SPIDR: variants seen among roughly 807,000 people sequenced by gnomAD.
The protein encoded by SPIDR is scaffold protein involved in DNA repair.
SPIDR carries 93 observed loss-of-function variants against 104.6 expected under a neutral mutation model. The ratio of observed to expected loss-of-function variants is 0.89; its 90% CI spans 0.75 to 1.06. SPIDR has a LOEUF of 1.06. SPIDR is among the 50% of genes least tolerant of loss of function. The pLI, the probability that SPIDR is intolerant of heterozygous loss-of-function variation, is 0.00. For synonymous variants in SPIDR, 431 were observed against 416.9 expected (o/e 1.03, Z -0.41); for missense variants, 1,154 against 1,111.2 (o/e 1.04, Z -0.55).
chr8:47,319,067 A>G (rs1281429878), intron 5 of SPIDR, among the ~76,000 whole-genome samples: 1 of 152,012 alleles, frequency 6.6e-6, no homozygotes, highest in Non-Finnish European at 1.5e-5. Flanking sequence ...TAACATCATA[A>G]TGACAGGATC....
intron 8 of SPIDR, among the ~76,000 whole-genome samples, chr8:47,568,179 G>A (rs182799749): frequency 4.6e-5 from 7 of 152,060 alleles, no homozygotes; most frequent in East Asian, 3.9e-4. Context: ...TGGTAGTTAC[G>A]AGCATGAATC....
Position 47,716,469 on chromosome 8 carries a change from A to G in SPIDR, c.2341+2828A>G, listed in dbSNP as rs577717181. On this transcript the variant is annotated intron_variant, in intron 16 of 19. Transcript: ENST00000297423. ...ATCTCCTTTTGGGGTTAATGCTAAC[A>G]CATTACTGCAGTTATGGGGTGATGG... is the stretch of plus-strand genomic sequence containing the variant. Among the ~76,000 whole-genome samples the G allele has an allele frequency of 2.9e-3, 436 of 152,248 alleles. 3 individuals carry two copies. The highest frequency in any genetic ancestry group is 0.01 in the African/African-American group (427 of 41,536).
intron 14 of SPIDR, among the ~76,000 whole-genome samples, chr8:47,711,669 C>T (rs2081911491): frequency 1.3e-5 from 2 of 152,088 alleles, no homozygotes; most frequent in Admixed American, 6.6e-5. Flanking sequence ...ACTATATCTA[C>T]TTCTATATTT....
intron 5 of SPIDR, chr8:47,330,824 A>G: frequency 2.2e-6 from 1 of 456,176 alleles, no homozygotes; most frequent in Non-Finnish European, 4.4e-6. Context: ...TACATTTGGA[A>G]GTTTCCGTGT....
At chr8:47,626,824 G>C (rs1225212771) in intron 10 of SPIDR, among the ~76,000 whole-genome samples, 1 of 152,188 alleles carries the variant, frequency 6.6e-6, no homozygotes, top group Non-Finnish European at 1.5e-5. Context: ...GTGGAAGTCA[G>C]TGTGGCGATT....
intron 2 of SPIDR, among the ~76,000 whole-genome samples, chr8:47,283,123 T>A (rs587679558): frequency 2.0e-5 from 3 of 152,372 alleles, no homozygotes; most frequent in Admixed American, 6.5e-5. Flanking sequence ...CCCAGAGTTC[T>A]GGGATTACAG....
chr8:47,723,313 G>C (rs2083688160), intron 16 of SPIDR, among the ~76,000 whole-genome samples: 1 of 150,118 alleles, frequency 6.7e-6, no homozygotes, highest in Admixed American at 6.6e-5. Flanking sequence ...ATTTATAACT[G>C]TTTTCTATTC....
At chr8:47,705,240 G>A (rs891218015) in intron 14 of SPIDR, among the ~76,000 whole-genome samples, 1 of 152,198 alleles carries the variant, frequency 6.6e-6, no homozygotes, top group Non-Finnish European at 1.5e-5. Flanking sequence ...CCTCCCTCAG[G>A]GAGGTAGAGA....
chr8:47,309,734 GTAATGT>G (rs2043772607), intron 5 of SPIDR, among the ~76,000 whole-genome samples: 1 of 152,144 alleles, frequency 6.6e-6, no homozygotes, highest in African/African-American at 2.4e-5. Context: ...TTACAACTGT[GTAATGT>G]TAAAAAGTAG....
At chr8:47,491,781 T>C (rs1484050344) in intron 8 of SPIDR, among the ~76,000 whole-genome samples, 22 of 151,988 alleles carry the variant, frequency 1.4e-4, no homozygotes, top group African/African-American at 5.3e-4. Flanking sequence ...GCCCATGAGT[T>C]CAAGGCTGTA....
chr8:47,569,148 T>G (rs1303820513), intron 8 of SPIDR, among the ~76,000 whole-genome samples: 1 of 152,104 alleles, frequency 6.6e-6, no homozygotes, highest in African/African-American at 2.4e-5. Context: ...TAAAATAAAC[T>G]TTAAATCAAA....
At chr8:47,280,567 A>AT (rs1469946365) in intron 2 of SPIDR, among the ~76,000 whole-genome samples, 1 of 151,654 alleles carries the variant, frequency 6.6e-6, no homozygotes, top group Non-Finnish European at 1.5e-5. Flanking sequence ...TGATTTTTGT[A>AT]TTTTTTGTAG....
chr8:47,304,513 T>A (rs372037537), intron 5 of SPIDR, among the ~76,000 whole-genome samples: 1 of 152,192 alleles, frequency 6.6e-6, no homozygotes, highest in Non-Finnish European at 1.5e-5. Context: ...TTAAAAAAAA[T>A]TAAAATAAAT....
At chr8:47,388,652 C>G (rs1354397807) in intron 5 of SPIDR, among the ~76,000 whole-genome samples, 1 of 152,222 alleles carries the variant, frequency 6.6e-6, no homozygotes, top group Non-Finnish European at 1.5e-5. Flanking sequence ...CCAATCAGCT[C>G]TGACCCCTGA....
At chr8:47,261,017 C>T in intron 1 of SPIDR, 26 bp downstream of exon 1, 1 of 1,226,992 alleles carries the variant, frequency 8.2e-7, no homozygotes, top group Non-Finnish European at 1.0e-6. Flanking sequence ...GGAGTGGGCG[C>T]CGCGCCGTTT....
intron 11 of SPIDR, among the ~76,000 whole-genome samples, chr8:47,690,343 T>C (rs938025700): frequency 2.0e-5 from 3 of 152,058 alleles, no homozygotes; most frequent in Non-Finnish European, 4.4e-5. Context: ...AACAGAAGTG[T>C]GTAAAGAACA....
intron 8 of SPIDR, chr8:47,528,235 T>C (rs2085348143): frequency 6.6e-6 from 1 of 152,254 alleles, no homozygotes; most frequent in Non-Finnish European, 1.5e-5. Context: ...GAATCCTTGA[T>C]ACTTTCCCCT....
At chr8:47,365,439 G>A (rs1554633837) in intron 5 of SPIDR, among the ~76,000 whole-genome samples, 1 of 152,160 alleles carries the variant, frequency 6.6e-6, no homozygotes, top group South Asian at 2.1e-4. Flanking sequence ...AGCATGCCTC[G>A]GGTCTTTCCG....
chr8:47,509,152 C>T (rs1466755974), intron 8 of SPIDR, among the ~76,000 whole-genome samples: 1 of 152,176 alleles, frequency 6.6e-6, no homozygotes, highest in South Asian at 2.1e-4. Context: ...ACTGTCCATT[C>T]CCAAATACCC....
Sources: gnomAD v4.1 joint callset for allele counts (sites outside exome capture counted in the v4.1 genomes callset) on GRCh38, gnomAD v4.1.1 for gene constraint, MANE v1.5 for transcripts, NCBI Gene and HGNC (gene_info 2026-07-23, HGNC 2026-07-21) for gene names.